The following ALDH4A1 variants were observed in gnomAD, a reference collection of about 807,000 sequenced individuals.
ALDH4A1 encodes aldehyde dehydrogenase 4 family member A1.
Under a neutral mutation model 70.5 loss-of-function variants are expected in ALDH4A1, and 46 were observed. The observed-to-expected ratio is 0.65, with a 90% CI of 0.51 to 0.83. The LOEUF (loss-of-function observed/expected upper bound fraction) is 0.83, where lower values mean the gene tolerates loss of function less well. Among genes scored for constraint, ALDH4A1 ranks in the 40% least tolerant of loss-of-function variants. The pLI, the probability that ALDH4A1 is intolerant of heterozygous loss-of-function variation, is 0.00. For synonymous variants in ALDH4A1, 323 were observed against 324.3 expected (o/e 1.00, Z 0.04); for missense variants, 749 against 766.5 (o/e 0.98, Z 0.27).
intron 7 of ALDH4A1, chr1:18,882,734 G>A: frequency 1.8e-6 from 1 of 570,258 alleles, no homozygotes; most frequent in South Asian, 1.4e-5. Flanking sequence ...GGCACGTGGT[G>A]AGCACTGAAG....
At chr1:18,877,382 G>A (rs371375350) in intron 10 of ALDH4A1, 34 bp downstream of exon 10, 36 of 1,553,192 alleles carry the variant, frequency 2.3e-5, no homozygotes, top group African/African-American at 1.1e-4. Context: ...TCAGCCCCCC[G>A]CTGGGCCGCG....
rs545207632 is a variant in ALDH4A1, at chr1:18,874,504, G to A, written c.1538C>T (p.Ser513Leu). 16 of 1,614,160 alleles carry A rather than the reference G, an allele frequency of 9.9e-6. No individual in the cohort carries two copies. The Admixed American group carries it at 1.5e-4, about 15-fold the overall frequency. Residue 513 changes from serine to leucine, a missense_variant, in exon 14 of 15, where the codon TCG (serine) becomes TTG (leucine). By Grantham distance (145) the Ser-to-Leu change is moderately radical. Coordinates refer to ENST00000375341, the MANE Select transcript of ALDH4A1 (RefSeq NM_003748.4). ...NFYINDKSTGSIVGQQPFGGA... is the reference protein window; with the variant it reads ...NFYINDKSTGLIVGQQPFGGA... ...CCCAAAGGGCTGCTGGCCCACTATC[G>A]AGCCAGTGGACTTGTCGTTGATGTA...
At chr1:18,901,776 G>A (rs1179177398) in intron 1 of ALDH4A1, among the ~76,000 whole-genome samples, 1 of 152,156 alleles carries the variant, frequency 6.6e-6, no homozygotes, top group Non-Finnish European at 1.5e-5. Context: ...GCTGGGCACT[G>A]TTCAGTGCAC....
intron 13 of ALDH4A1, 117 bp from the exon 14 acceptor site, chr1:18,874,698 A>C: frequency 2.0e-6 from 2 of 996,844 alleles, no homozygotes; most frequent in Non-Finnish European, 3.1e-6. Flanking sequence ...CAGGAGGCCG[A>C]GTCAGGGATG....
In ALDH4A1 at chr1:18,877,433, G is replaced by C; in HGVS notation, c.1120C>G (p.Arg374Gly). The change falls in exon 10 of 15, where the codon CGG becomes GGG. Residue 374 changes from arginine (R) to glycine (G), a missense_variant. Transcript: ENST00000375341. ...CCACTCACGTCGCCCACTTTGATCC[G>C]ACTGTGCTCCTCCAGCAGCCGCCCT... ...IKGRLLEEHS[R>G]IKVGDPAEDF... The C allele has an allele frequency of 6.3e-7, 1 of 1,581,190 alleles. No individual in the cohort carries two copies. Among genetic ancestry groups the C allele is most frequent in the Non-Finnish European group, 8.6e-7 (1 of 1,163,246 alleles).
At chr1:18,893,284 C>T (rs1375930507) in intron 1 of ALDH4A1, among the ~76,000 whole-genome samples, 1 of 152,018 alleles carries the variant, frequency 6.6e-6, no homozygotes, top group Non-Finnish European at 1.5e-5. Flanking sequence ...ACAATACTAC[C>T]GAAAAGAGAA....
At position 18,880,175 on chromosome 1, in the gene ALDH4A1, G is replaced by A. The variant is rs1557615007; in HGVS notation, c.867-802C>T. ...CTGCCACCACCCACTCCCACCCCCA[G>A]CAAAGCTGCGGGGAAGGGGGTGGCA... On this transcript the variant is annotated intron_variant, in intron 8 of 14. Transcript: ENST00000375341. This position sits in a 1 kb window ranked among gnomAD's most constrained non-coding sequence, Gnocchi z 5.1. 6.6e-6 allele frequency among the ~76,000 whole-genome samples: 1 copy of A among 152,116 alleles called. No homozygotes were observed. The highest frequency in any genetic ancestry group is 2.4e-5 in the African/African-American group (1 of 41,424).
chr1:18,877,467 C>G lies in ALDH4A1; in HGVS notation c.1086G>C (p.Pro362=), dbSNP rs41310410. 4.3e-5 allele frequency: 68 copies of G among 1,594,828 alleles called. No individual in the cohort carries two copies. Among genetic ancestry groups the G allele is most frequent in the Middle Eastern group, 1.7e-4 (1 of 5,864 alleles). ...SRLYVPHSLW[P]QIKGRLLEEH... The stretch of plus-strand genomic sequence containing the variant: ...CCTCCAGCAGCCGCCCTTTGATCTG[C>G]GGCCACAGCGAGTGCGGCACGTAGA... The change falls in exon 10 of 15, where the codon CCG becomes CCC. Residue 362 remains proline, a synonymous_variant. Coordinates refer to ENST00000375341, the MANE Select transcript of ALDH4A1 (RefSeq NM_003748.4).
At chr1:18,889,486 C>G (rs1376334478) in intron 2 of ALDH4A1, 32 bp from the exon 3 acceptor site, 10 of 1,529,704 alleles carry the variant, frequency 6.5e-6, no homozygotes, top group Non-Finnish European at 8.9e-6. Context: ...GGTATGGTCA[C>G]CGCCTTCCTC....
intron 1 of ALDH4A1, among the ~76,000 whole-genome samples, chr1:18,893,846 T>A (rs1265303068): frequency 6.6e-6 from 1 of 152,214 alleles, no homozygotes; most frequent in Admixed American, 6.5e-5. Flanking sequence ...GTAAATGACT[T>A]AGAAACTGCC....
chr1:18,883,088 C>T (rs373252973), intron 7 of ALDH4A1, 36 bp downstream of exon 7: 291 of 1,612,734 alleles, frequency 1.8e-4, no homozygotes, highest in South Asian at 3.4e-4. Flanking sequence ...AGGAGGACAA[C>T]CAGCTGCCGC....
At chr1:18,900,757 T>G in intron 1 of ALDH4A1, 2 of 724,608 alleles carry the variant, frequency 2.8e-6, no homozygotes, top group Non-Finnish European at 3.4e-6. Flanking sequence ...CCCCTCTCAA[T>G]TCAGGAGGCC....
chr1:18,892,350 C>A (rs1321957928), intron 1 of ALDH4A1, among the ~76,000 whole-genome samples: 1 of 152,138 alleles, frequency 6.6e-6, no homozygotes, highest in Non-Finnish European at 1.5e-5. Context: ...GACAGCGAGG[C>A]CCCTGGCTGC....
At chr1:18,889,483 T>C (rs1299420018) in intron 2 of ALDH4A1, 29 bp from the exon 3 acceptor site, 1 of 1,535,322 alleles carries the variant, frequency 6.5e-7, no homozygotes, top group African/African-American at 1.4e-5. Context: ...GTGGGTATGG[T>C]CACCGCCTTC....
chr1:18,877,422 C>T lies in ALDH4A1; in HGVS notation c.1131G>A (p.Val377=). The T allele has an allele frequency of 6.4e-7, 1 of 1,572,728 alleles. No individual in the cohort carries two copies. The highest frequency in any genetic ancestry group is 8.6e-7 in the Non-Finnish European group (1 of 1,158,240). The change falls in exon 10 of 15, where the codon GTG becomes GTA. Residue 377 remains valine (V), a synonymous_variant. Transcript: ENST00000375341. The stretch of plus-strand genomic sequence containing the variant: ...GGGTGACGGTGCCACTCACGTCGCC[C>T]ACTTTGATCCGACTGTGCTCCTCCA... ...RLLEEHSRIK[V]GDPAEDFGTF... is the part of the protein sequence containing the mutation.
intron 1 of ALDH4A1, among the ~76,000 whole-genome samples, chr1:18,902,242 G>A (rs182031334): frequency 3.5e-4 from 54 of 152,274 alleles, no homozygotes; most frequent in African/African-American, 1.3e-3. Context: ...GGGTCCCCTC[G>A]CTAAAGGAAG....
In ALDH4A1 at chr1:18,883,406, T is replaced by TC. The variant is rs763522816; in HGVS notation, c.475dup (p.Glu159GlyfsTer3). ...GATGAGTTCCGCTGCAGCGTCAATCTCCGCTTGGATCACGGTCTTACCCTG... is the reference window on the plus strand; with the variant it reads ...GATGAGTTCCGCTGCAGCGTCAATCTCCCGCTTGGATCACGGTCTTACCCTG... On this transcript the variant is annotated frameshift_variant, in exon 6 of 15. Transcript: ENST00000375341. LOFTEE classifies it high-confidence loss of function. 6.2e-7 allele frequency: 1 copy of TC among 1,613,390 alleles called. No individual in the cohort carries two copies. The highest frequency in any genetic ancestry group is 8.5e-7 in the Non-Finnish European group (1 of 1,180,028).
chr1:18,886,345 C>A, intron 4 of ALDH4A1, 119 bp downstream of exon 4: 1 of 1,194,094 alleles, frequency 8.4e-7, no homozygotes, highest in Non-Finnish European at 1.2e-6. Flanking sequence ...ACCTACCCAC[C>A]ATGGCCAAAG....
rs887888276 is a variant in ALDH4A1 at position 18,898,065 on chromosome 1, C to A, written c.62+4397G>T. ...ACGCAGTGGCTCACGCCTATAATCC[C>A]AGCACTTTGGGAGGCTGAGGCAGGA... On this transcript the variant is annotated intron_variant, in intron 1 of 14. Transcript: ENST00000375341. This position sits in a 1 kb window ranked among gnomAD's most constrained non-coding sequence, Gnocchi z 4.3. 2.8e-4 allele frequency among the ~76,000 whole-genome samples: 43 copies of A among 152,120 alleles called. No homozygotes were observed. The highest frequency in any genetic ancestry group is 9.4e-4 in the African/African-American group (39 of 41,410).
Sources: gnomAD v4.1 joint callset for allele counts (sites outside exome capture counted in the v4.1 genomes callset) on GRCh38, gnomAD v4.1.1 for gene constraint, Gnocchi (gnomAD v3.1) non-coding constraint, MANE v1.5 for transcripts, NCBI Gene and HGNC (gene_info 2026-07-23, HGNC 2026-07-21) for gene names.